The following ZC3H11A variants were observed in gnomAD, a reference collection of about 807,000 sequenced individuals.
ZC3H11A encodes the protein zinc finger CCCH-type containing 11A.
Under a neutral mutation model 90.8 loss-of-function variants are expected in ZC3H11A, and 22 were observed. The observed-to-expected ratio is 0.24, with a 90% CI of 0.17 to 0.35. The LOEUF (loss-of-function observed/expected upper bound fraction) is 0.35. ZC3H11A is among the 10% of genes least tolerant of loss of function. ZC3H11A has a pLI of 1.00. For missense variants in ZC3H11A, 701 were observed against 964.9 expected (o/e 0.73, Z 3.62); for synonymous variants, 294 against 339.8 (o/e 0.87, Z 1.48).
intron 2 of ZC3H11A, among the ~76,000 whole-genome samples, chr1:203,808,814 C>A (rs1309602965): frequency 2.0e-5 from 3 of 151,726 alleles, no homozygotes; most frequent in Admixed American, 2.0e-4. Flanking sequence ...TTTTTTTCTT[C>A]ATTATTATCA....
chr1:203,809,165 TCTCA>T (rs1673404261), intron 2 of ZC3H11A, among the ~76,000 whole-genome samples: 1 of 139,288 alleles, frequency 7.2e-6, no homozygotes, highest in African/African-American at 2.6e-5. Context: ...TTTGTTTTCT[TCTCA>T]CTGTTTTTTT....
In ZC3H11A at chr1:203,829,644, A is replaced by T. The variant is rs775256878; in HGVS notation, c.492A>T (p.Glu164Asp). ...PVVINAADDD[E>D]DDDDQFSEEG... The stretch of plus-strand genomic sequence containing the variant: ...TAATTAATGCTGCAGATGATGATGA[A>T]GATGATGATGGTAAGTTCTGTCTGG... Residue 164 changes from glutamate (E) to aspartate (D), a missense_variant, in exon 6 of 18, where the codon GAA becomes GAT. Transcript: ENST00000367210. The T allele has an allele frequency of 6.2e-7, 1 of 1,614,232 alleles. No individual in the cohort carries two copies. The highest frequency in any genetic ancestry group is 8.5e-7 in the Non-Finnish European group (1 of 1,180,046).
Position 203,798,705 on chromosome 1 carries a change from C to G in ZC3H11A, c.-1587-2870C>G. On this transcript the variant is annotated intron_variant, in intron 1 of 17. Transcript: ENST00000367210. ...AGAGCAAGGCACTCTGATGCGTGCG[C>G]AGGAGAGAGAAACAACATGTTGTGG... The G allele has an allele frequency of 6.5e-7, 1 of 1,536,074 alleles. No individual in the cohort carries two copies. Among genetic ancestry groups the G allele is most frequent in the Non-Finnish European group, 8.7e-7 (1 of 1,146,904 alleles).
At chr1:203,844,167 T>G (rs1056476321) in intron 12 of ZC3H11A, among the ~76,000 whole-genome samples, 1 of 151,830 alleles carries the variant, frequency 6.6e-6, no homozygotes, top group African/African-American at 2.4e-5. Flanking sequence ...TTATTTTTTA[T>G]TTTTATTTTT....
chr1:203,799,266 C>G (rs1315002159), intron 1 of ZC3H11A: 1 of 751,754 alleles, frequency 1.3e-6, no homozygotes, highest in Non-Finnish European at 2.3e-6. Context: ...TACCCATGTG[C>G]CATGCTTCCT....
chr1:203,800,487 G>T, intron 1 of ZC3H11A: 1 of 1,458,806 alleles, frequency 6.9e-7, no homozygotes, highest in South Asian at 1.4e-5. Flanking sequence ...TTTAAAATGG[G>T]CAACTTTTTG....
At chr1:203,813,589 A>G (rs1374955574) in intron 2 of ZC3H11A, among the ~76,000 whole-genome samples, 2 of 152,150 alleles carry the variant, frequency 1.3e-5, no homozygotes, top group East Asian at 1.9e-4. Flanking sequence ...ATTAGTTCCT[A>G]GGACTTCCAT....
intron 12 of ZC3H11A, among the ~76,000 whole-genome samples, chr1:203,842,470 C>T (rs1238844060): frequency 3.9e-5 from 6 of 152,012 alleles, no homozygotes; most frequent in African/African-American, 9.7e-5. Flanking sequence ...TGGCGGCGCG[C>T]GCCTGCAATC....
intron 3 of ZC3H11A, among the ~76,000 whole-genome samples, chr1:203,817,511 T>C (rs760522143): frequency 2.0e-5 from 3 of 148,688 alleles, no homozygotes; most frequent in Non-Finnish European, 3.0e-5. Context: ...TTCCAGAAAC[T>C]GTCATGGGTT....
chr1:203,799,236 G>A, intron 1 of ZC3H11A: 1 of 855,572 alleles, frequency 1.2e-6, no homozygotes, highest in South Asian at 1.4e-5. Context: ...TGTGGTACAT[G>A]CAATCAAAGA....
chr1:203,797,064 A>G (rs1433359349), intron 1 of ZC3H11A: 1 of 153,370 alleles, frequency 6.5e-6, no homozygotes, highest in Admixed American at 6.5e-5. Flanking sequence ...TTTCAGAATT[A>G]AGGGAAATTG....
chr1:203,804,652 AT>A (rs972358640), intron 2 of ZC3H11A, among the ~76,000 whole-genome samples: 3 of 144,548 alleles, frequency 2.1e-5, no homozygotes, highest in Non-Finnish European at 3.0e-5. Flanking sequence ...CAGGTTCTGG[AT>A]TTTTTTCTTT....
intron 4 of ZC3H11A, among the ~76,000 whole-genome samples, chr1:203,819,751 C>T (rs559191034): frequency 9.6e-4 from 144 of 149,316 alleles, no homozygotes; most frequent in African/African-American, 3.3e-3. Flanking sequence ...TCAGGCTGGT[C>T]TCGAACTCCT....
At chr1:203,809,316 C>A (rs1252100406) in intron 2 of ZC3H11A, among the ~76,000 whole-genome samples, 1 of 151,372 alleles carries the variant, frequency 6.6e-6, no homozygotes, top group Non-Finnish European at 1.5e-5. Flanking sequence ...ACTGGGACAA[C>A]AGGCGCACAC....
At chr1:203,813,403 T>C (rs1322038301) in intron 2 of ZC3H11A, among the ~76,000 whole-genome samples, 3 of 152,160 alleles carry the variant, frequency 2.0e-5, no homozygotes, top group Non-Finnish European at 4.4e-5. Context: ...AAAACCAATT[T>C]ATTGGTTTTC....
rs771370250 is a variant in ZC3H11A, at chr1:203,801,816, GAT to G, written c.-1345_-1344del. 13 of 47,214 alleles carry G rather than the reference GAT, an allele frequency of 2.8e-4. No individual in the cohort carries two copies. The highest frequency in any genetic ancestry group is 3.5e-4 in the African/African-American group (5 of 14,412). 2.9% of individuals were successfully genotyped at this position (47,214 alleles called of 1,614,324 possible). A position where few individuals can be genotyped will look rare whatever the true frequency, so the allele number is the denominator to read the frequency against. On this transcript the variant is annotated 5_prime_UTR_variant, in exon 2 of 18. An upstream open reading frame in the 5' UTR loses its in-frame stop. Transcript: ENST00000367210. ...TCAAAATCGGGTTTTTTTTGGTTTT[GAT>G]TTTTTTTTTTTTTAAATTCTTAAAT...
intron 17 of ZC3H11A, 32 bp downstream of exon 17, chr1:203,851,156 C>T: frequency 1.9e-6 from 3 of 1,603,566 alleles, no homozygotes; most frequent in Non-Finnish European, 1.7e-6. Flanking sequence ...TAAACAAACT[C>T]CAGGCCCCTG....
intron 11 of ZC3H11A, among the ~76,000 whole-genome samples, chr1:203,840,053 C>T (rs555493225): frequency 2.0e-5 from 3 of 151,360 alleles, no homozygotes; most frequent in East Asian, 1.9e-4. Flanking sequence ...ATCCACCCAC[C>T]TCAGCCTCCC....
In ZC3H11A at chr1:203,852,247, T is replaced by G; in HGVS notation, c.2281T>G (p.Ser761Ala). The G allele has an allele frequency of 6.2e-7, 1 of 1,613,600 alleles. No individual in the cohort carries two copies. The highest frequency in any genetic ancestry group is 8.5e-7 in the Non-Finnish European group (1 of 1,179,814). ...GAAAACTCGCCGACTCAGCTCTGCCTCAACAGGAAAGCCCCCACTCTCTGT... is the reference window on the plus strand; with the variant it reads ...GAAAACTCGCCGACTCAGCTCTGCCGCAACAGGAAAGCCCCCACTCTCTGT... ...SMKTRRLSSA[S>A]TGKPPLSVED... Residue 761 changes from serine (S) to alanine (A), a missense_variant, in exon 18 of 18, where the codon TCA becomes GCA. By Grantham distance (99) the Ser-to-Ala change is moderately conservative. Coordinates refer to ENST00000367210, the MANE Select transcript of ZC3H11A (RefSeq NM_001376342.1).
Sources: allele counts gnomAD v4.1 joint callset (sites outside exome capture counted in the v4.1 genomes callset), GRCh38; gene constraint gnomAD v4.1.1; transcripts MANE v1.5; gene names NCBI Gene and HGNC (gene_info 2026-07-23, HGNC 2026-07-21).